PRIMA1: variants seen among roughly 807,000 people sequenced by gnomAD.
PRIMA1 encodes proline-rich membrane anchor 1.
Under a neutral mutation model 17.5 loss-of-function variants are expected in PRIMA1, and 7 were observed. That is an observed-to-expected ratio of 0.40 (90% CI 0.23 to 0.75). The LOEUF is 0.75. Ranked by LOEUF, PRIMA1 falls within the 30% of genes least tolerant of loss-of-function variation. PRIMA1 has a pLI of 0.37. For missense variants in PRIMA1, 200 were observed against 201.8 expected, an observed-to-expected ratio of 0.99 and a Z score of 0.05; for synonymous variants, 97 against 77.9, an observed-to-expected ratio of 1.25 and a Z score of -1.29.
chr14:93,737,012 T>C (rs963718625), intron 4 of PRIMA1, among the ~76,000 whole-genome samples: 1 of 152,112 alleles, frequency 6.6e-6, no homozygotes, highest in East Asian at 1.9e-4. Context: ...ATTTCGGCAA[T>C]GAAAAAGATC....
Position 93,721,465 on chromosome 14 carries a change from G to C in PRIMA1, c.441C>G (p.Asp147Glu). 4 of 1,613,118 alleles carry C rather than the reference G, an allele frequency of 2.5e-6. No homozygotes were observed. The highest frequency in any genetic ancestry group is 3.4e-6 in the Non-Finnish European group (4 of 1,179,186). Residue 147 changes from aspartate (D) to glutamate (E), a missense_variant, in exon 5 of 5, where the codon GAC becomes GAG. Asp to Glu is a conservative substitution (Grantham distance 45, BLOSUM62 2). Transcript: ENST00000393140. ...MSASQSNKGV[D>E]VNNAVV ...AGACTCACACCACTGCGTTGTTCAC[G>C]TCTACTCCTTTGTTGCTCTGCGAAG...
At chr14:93,741,952 G>C (rs961465655) in intron 3 of PRIMA1, among the ~76,000 whole-genome samples, 29 of 152,180 alleles carry the variant, frequency 1.9e-4, no homozygotes, top group African/African-American at 6.8e-4. Flanking sequence ...TAACACTCCT[G>C]ACGCCTGTAA....
In PRIMA1 at chr14:93,755,391, C is replaced by T. The variant is rs558950860; in HGVS notation, c.230-18021G>A. ...AGCTGAATGGATGTACCACAATTTA[C>T]CTCACCAGTTCAGGAGAGGCTGTTT... On this transcript the variant is annotated intron_variant, in intron 3 of 4. Transcript: ENST00000393140. 6.1e-4 allele frequency among the ~76,000 whole-genome samples: 93 copies of T among 152,282 alleles called. 1 individual carries two copies. Among genetic ancestry groups the T allele is most frequent in the African/African-American group, 2.2e-3 (92 of 41,566 alleles).
intron 2 of PRIMA1, among the ~76,000 whole-genome samples, chr14:93,785,188 C>CAAAAAAAAAAAAA (rs386382197): frequency 9.1e-6 from 1 of 110,076 alleles, no homozygotes; most frequent in Non-Finnish European, 1.8e-5. Flanking sequence ...TCTTCTCTTT[C>CAAAAAAAAAAAAA]AAAAAAAAAA....
At chr14:93,757,202 GGAAGGAAGGAAGGAAGGAAGGAAGGAAA>G (rs1370322704) in intron 3 of PRIMA1, among the ~76,000 whole-genome samples, 4 of 107,144 alleles carry the variant, frequency 3.7e-5, no homozygotes, top group African/African-American at 2.5e-4. Context: ...TTTAAAAAAA[GGAAGGAAGGAAGGAAGGAAGGAAGGAAA>G]GAAGGAAGGA....
intron 4 of PRIMA1, among the ~76,000 whole-genome samples, chr14:93,728,151 G>A (rs908525438): frequency 6.6e-6 from 1 of 152,200 alleles, no homozygotes; most frequent in African/African-American, 2.4e-5. Flanking sequence ...TTCACAGGTG[G>A]CTCCACCTCC....
At chr14:93,748,889 G>A (rs1165268401) in intron 3 of PRIMA1, among the ~76,000 whole-genome samples, 1 of 152,074 alleles carries the variant, frequency 6.6e-6, no homozygotes, top group Admixed American at 6.5e-5. Flanking sequence ...TCGGGCTTAT[G>A]TCTCTTGGTG....
chr14:93,766,086 G>A (rs576798857), intron 3 of PRIMA1, among the ~76,000 whole-genome samples: 2 of 152,134 alleles, frequency 1.3e-5, no homozygotes, highest in Non-Finnish European at 2.9e-5. Flanking sequence ...AGGGAGCCAG[G>A]CCACTTACAC....
chr14:93,777,276 T>C (rs372516214), intron 3 of PRIMA1, among the ~76,000 whole-genome samples: 67 of 152,186 alleles, frequency 4.4e-4, no homozygotes, highest in African/African-American at 1.6e-3. Context: ...CCTTTGTCCA[T>C]GCGCTTCCTT....
At chr14:93,746,731 G>A (rs1384457890) in intron 3 of PRIMA1, among the ~76,000 whole-genome samples, 1 of 152,160 alleles carries the variant, frequency 6.6e-6, no homozygotes, top group Non-Finnish European at 1.5e-5. Flanking sequence ...GAGATGGCGG[G>A]GCTCAGACTC....
intron 3 of PRIMA1, among the ~76,000 whole-genome samples, chr14:93,745,979 C>T (rs112246113): frequency 6.6e-6 from 1 of 152,150 alleles, no homozygotes; most frequent in African/African-American, 2.4e-5. Flanking sequence ...AGCAGACACC[C>T]CTCCGCCGCT....
intron 3 of PRIMA1, among the ~76,000 whole-genome samples, chr14:93,769,304 T>C (rs2141185883): frequency 6.6e-6 from 1 of 152,302 alleles, no homozygotes; most frequent in African/African-American, 2.4e-5. Context: ...CACAACCCAC[T>C]TTGGAGGACG....
At chr14:93,749,433 C>T (rs546729282) in intron 3 of PRIMA1, among the ~76,000 whole-genome samples, 8 of 152,278 alleles carry the variant, frequency 5.3e-5, no homozygotes, top group South Asian at 4.2e-4. Flanking sequence ...GTCCTCATGA[C>T]GCTTATAATC....
In PRIMA1 at chr14:93,759,877, C is replaced by T. The variant is rs57944935; in HGVS notation, c.229+19299G>A. Among the ~76,000 whole-genome samples the T allele has an allele frequency of 5.5e-3, 841 of 152,312 alleles. 10 individuals are homozygous for T. Among genetic ancestry groups the T allele is most frequent in the African/African-American group, 0.019 (785 of 41,574 alleles). On this transcript the variant is annotated intron_variant, in intron 3 of 4. Transcript: ENST00000393140. Reference sequence around the variant, plus strand: ...ACCCTGCCCTGCTTGGCAGAGGCCCCGGCCTGGACATCACAGTCTGGAAGC... The same window carrying T: ...ACCCTGCCCTGCTTGGCAGAGGCCCTGGCCTGGACATCACAGTCTGGAAGC...
intron 3 of PRIMA1, among the ~76,000 whole-genome samples, chr14:93,768,571 G>A (rs968561720): frequency 3.9e-5 from 6 of 152,178 alleles, no homozygotes; most frequent in Admixed American, 6.5e-5. Flanking sequence ...GCAGGAGTCC[G>A]AGGGCAGGGC....
intron 3 of PRIMA1, among the ~76,000 whole-genome samples, chr14:93,748,226 G>A (rs973548139): frequency 6.6e-6 from 1 of 152,154 alleles, no homozygotes; most frequent in Non-Finnish European, 1.5e-5. Context: ...GTGATAAAGT[G>A]AGAGCAGGGA....
intron 3 of PRIMA1, among the ~76,000 whole-genome samples, chr14:93,773,553 G>A (rs1198393732): frequency 6.6e-6 from 1 of 152,204 alleles, no homozygotes; most frequent in Non-Finnish European, 1.5e-5. Flanking sequence ...AGAACCCCTG[G>A]TCAAGTGCCC....
At chr14:93,737,204 T>C (rs757311319) in intron 4 of PRIMA1, 37 bp downstream of exon 4, 1 of 1,609,092 alleles carries the variant, frequency 6.2e-7, no homozygotes, top group South Asian at 1.1e-5. Context: ...TGGGGTTCCC[T>C]TCGGCTTGAA....
chr14:93,720,096 T>C lies in PRIMA1; in HGVS notation c.*1348A>G, dbSNP rs2076027540. 1 of 152,402 alleles carries C rather than the reference T, an allele frequency of 6.6e-6. No homozygotes were observed. 9.4% of individuals were successfully genotyped at this position (152,402 alleles called of 1,614,324 possible). A position where few individuals can be genotyped will look rare whatever the true frequency, so the allele number is the denominator to read the frequency against. Reference sequence around the variant, plus strand: ...AACCAGGTCTTAGAGGGCTCGACAGTGGAACCATTCAATGCATTGGGCTCC... The same window carrying C: ...AACCAGGTCTTAGAGGGCTCGACAGCGGAACCATTCAATGCATTGGGCTCC... On this transcript the variant is annotated 3_prime_UTR_variant, in exon 5 of 5. Coordinates refer to ENST00000393140, the MANE Select transcript of PRIMA1 (RefSeq NM_178013.4).
Sources: gnomAD v4.1 joint callset for allele counts (sites outside exome capture counted in the v4.1 genomes callset) on GRCh38, gnomAD v4.1.1 for gene constraint, MANE v1.5 for transcripts, NCBI Gene and HGNC (gene_info 2026-07-23, HGNC 2026-07-21) for gene names.